Variants in SELENON observed in about 807,000 individuals in gnomAD.
SELENON encodes selenoprotein N, 1.
In SELENON, 44 loss-of-function variants were observed where a neutral mutation model predicts 59.5. The observed-to-expected ratio is 0.74, with a 90% CI of 0.58 to 0.95. SELENON has a LOEUF of 0.95. SELENON is among the 40% of genes least tolerant of loss of function. SELENON has a pLI of 0.00. For missense variants in SELENON, 674 were observed against 721.4 expected (o/e 0.93, Z 0.75); for synonymous variants, 320 against 305.6 (o/e 1.05, Z -0.49).
chr1:25,807,055 C>T lies in SELENON; in HGVS notation c.538-1525C>T, dbSNP rs999564350. 6.6e-5 allele frequency among the ~76,000 whole-genome samples: 10 copies of T among 152,000 alleles called. 1 individual carries two copies. In the East Asian group the frequency reaches 1.7e-3, roughly 27 times the overall value. ...ACCAGGATGGTTTCAATCTCCTGACCTCGTGATCCACCTGCCTCGGCCTCC... is the reference window on the plus strand; with the variant it reads ...ACCAGGATGGTTTCAATCTCCTGACTTCGTGATCCACCTGCCTCGGCCTCC... On this transcript the variant is annotated intron_variant, in intron 4 of 12. Transcript: ENST00000361547. The surrounding 1 kb of genome is among the most constrained non-coding windows in gnomAD (Gnocchi z 4.5).
At chr1:25,801,699 C>T (rs980693133) in intron 2 of SELENON, among the ~76,000 whole-genome samples, 1 of 143,676 alleles carries the variant, frequency 7.0e-6, no homozygotes, top group Non-Finnish European at 1.5e-5. Context: ...AACAAAAAAA[C>T]CATTCCTTGG....
Position 25,814,154 on chromosome 1 carries a change from G to A in SELENON, c.1578G>A (p.Met526Ile). ...AGTACAGCTTCCCCGTGGAGATGATGATCTGCCTGCCCAATGGCACCGTGG... is the reference window on the plus strand; with the variant it reads ...AGTACAGCTTCCCCGTGGAGATGATAATCTGCCTGCCCAATGGCACCGTGG... Residue 526 changes from methionine (M) to isoleucine (I), a missense_variant, in exon 12 of 13, where the codon ATG becomes ATA. Coordinates refer to ENST00000361547, the MANE Select transcript of SELENON (RefSeq NM_020451.3). 1 of 1,614,124 alleles carries A rather than the reference G, an allele frequency of 6.2e-7. No homozygotes were observed. Among genetic ancestry groups the A allele is most frequent in the Non-Finnish European group, 8.5e-7 (1 of 1,179,984 alleles).
intron 4 of SELENON, among the ~76,000 whole-genome samples, chr1:25,808,234 G>A (rs900136675): frequency 2.6e-5 from 4 of 152,188 alleles, no homozygotes; most frequent in African/African-American, 9.7e-5. Flanking sequence ...ACTATGTGAG[G>A]CACAGAGCCC....
In SELENON at chr1:25,807,574, C is replaced by T. The variant is rs1234507962; in HGVS notation, c.538-1006C>T. On this transcript the variant is annotated intron_variant, in intron 4 of 12. Coordinates refer to ENST00000361547, the MANE Select transcript of SELENON (RefSeq NM_020451.3). The surrounding 1 kb of genome is among the most constrained non-coding windows in gnomAD (Gnocchi z 4.5). ...GGCCCCCGAGCAGAGCCCCAGCAAG[C>T]CCAGCACCCATCGCTGGCAGGTCCC... Among the ~76,000 whole-genome samples the T allele has an allele frequency of 1.3e-5, 2 of 152,346 alleles. No individual in the cohort carries two copies. The highest frequency in any genetic ancestry group is 3.9e-4 in the East Asian group (2 of 5,170).
In SELENON at chr1:25,814,003, C is replaced by A; in HGVS notation, c.1500+10C>A. On this transcript the variant is annotated intron_variant, in intron 11 of 12. Transcript: ENST00000361547. ...GCTGGAGGAACTGCAGGTGAGCGGG[C>A]AGGTGGCAGGAACAGGAGCGTCCGG... The A allele has an allele frequency of 1.9e-6, 3 of 1,612,502 alleles. No individual in the cohort carries two copies. The highest frequency in any genetic ancestry group is 2.5e-6 in the Non-Finnish European group (3 of 1,178,464).
chr1:25,801,171 A>G lies in SELENON; in HGVS notation c.301+11A>G. ...CTGAGAAGCTAACAGGTACCAGGAG[A>G]GACTGGCGGCTGGGGAGGAGGGCGC... On this transcript the variant is annotated intron_variant, in intron 2 of 12. Coordinates refer to ENST00000361547, the MANE Select transcript of SELENON (RefSeq NM_020451.3). 1.2e-6 allele frequency: 2 copies of G among 1,608,566 alleles called. No homozygotes were observed. The highest frequency in any genetic ancestry group is 1.7e-6 in the Non-Finnish European group (2 of 1,175,082).
intron 10 of SELENON, among the ~76,000 whole-genome samples, chr1:25,813,337 G>A (rs1056191609): frequency 2.6e-5 from 4 of 152,178 alleles, no homozygotes; most frequent in Non-Finnish European, 4.4e-5. Flanking sequence ...CTGGGTGCTT[G>A]CGTCCCACAG....
intron 1 of SELENON, 100 bp from the exon 2 acceptor site, chr1:25,800,943 G>C (rs768489552): frequency 1.2e-5 from 11 of 948,100 alleles, no homozygotes; most frequent in Non-Finnish European, 1.9e-5. Context: ...AGCTCAGGAA[G>C]ATGGTGGGAG....
At chr1:25,813,599 C>T (rs1456830289) in intron 10 of SELENON, 2 of 516,264 alleles carry the variant, frequency 3.9e-6, no homozygotes, top group African/African-American at 3.8e-5. Flanking sequence ...TGTGTGAAGG[C>T]CCTGGGACAC....
At chr1:25,804,885 T>C (rs1170937251) in intron 3 of SELENON, among the ~76,000 whole-genome samples, 4 of 152,184 alleles carry the variant, frequency 2.6e-5, no homozygotes, top group African/African-American at 9.7e-5. Flanking sequence ...CATCTAGCTA[T>C]GTGACCTGGG....
At position 25,805,198 on chromosome 1, in the gene SELENON, G is replaced by C; in HGVS notation, c.460G>C (p.Glu154Gln). Residue 154 changes from glutamate (E) to glutamine (Q), a missense_variant, in exon 4 of 13, where the codon GAG (glutamate) becomes CAG (glutamine). By Grantham distance (29) the Glu-to-Gln change is conservative. Transcript: ENST00000361547. ...GGAGTTGCCCCCTGACCCTAGCGAG[G>C]AGACGCTCACCATAGAAGCCCGATT... The C allele has an allele frequency of 6.2e-7, 1 of 1,614,150 alleles. No homozygotes were observed. The highest frequency in any genetic ancestry group is 8.5e-7 in the Non-Finnish European group (1 of 1,180,040).
In SELENON at chr1:25,818,136, A is replaced by C. The variant is rs896813539; in HGVS notation, c.*2418A>C. ...ACCAGGCCTCGAGGCTCAGGGTGGG[A>C]GAGGGCCCCGGGCTGCCCTGTCACT... On this transcript the variant is annotated 3_prime_UTR_variant, in exon 13 of 13. Coordinates refer to ENST00000361547, the MANE Select transcript of SELENON (RefSeq NM_020451.3). 1.3e-5 allele frequency: 2 copies of C among 152,394 alleles called. No individual in the cohort carries two copies. Among genetic ancestry groups the C allele is most frequent in the Non-Finnish European group, 2.9e-5 (2 of 68,204 alleles). 9.4% of individuals were successfully genotyped at this position (152,394 alleles called of 1,614,324 possible).
chr1:25,805,345 C>CCAT (rs1438844938), intron 4 of SELENON, 70 bp downstream of exon 3: 2 of 1,604,144 alleles, frequency 1.2e-6, no homozygotes, highest in Non-Finnish European at 1.7e-6. Flanking sequence ...CTCCATTCAT[C>CCAT]CATCTTTCCT....
Position 25,809,805 on chromosome 1 carries a change from TCGTG to T in SELENON, c.997_1000del (p.Val333ProfsTer?), listed in dbSNP as rs886041686. On this transcript the variant is annotated frameshift_variant, in exon 7 of 13. Transcript: ENST00000361547. LOFTEE classifies it high-confidence loss of function. ...ACCCACGTCCGCGACTTCCGGCTCT[TCGTG>T]CCCAACCACAGGTGGGAGCTTGACC... The T allele has an allele frequency of 3.3e-5, 54 of 1,613,712 alleles. No individual in the cohort carries two copies. Among genetic ancestry groups the T allele is most frequent in the Non-Finnish European group, 4.5e-5 (53 of 1,180,022 alleles).
At position 25,809,148 on chromosome 1, in the gene SELENON, C is replaced by G; in HGVS notation, c.870C>G (p.Phe290Leu). Residue 290 changes from phenylalanine (F) to leucine (L), a missense_variant and splice_region_variant, in exon 6 of 13, where the codon TTC becomes TTG. By Grantham distance (22) the Phe-to-Leu change is conservative. Transcript: ENST00000361547. The stretch of plus-strand genomic sequence containing the variant: ...GCGACTTCTACTACACTGTGATGTT[C>G]CGGTGAGTGGGCCACACTGGCTGGC... 1 of 1,613,684 alleles carries G rather than the reference C, an allele frequency of 6.2e-7. No individual in the cohort carries two copies.
Position 25,809,767 on chromosome 1 carries a change from C to G in SELENON, c.957C>G (p.Leu319=), listed in dbSNP as rs377537585. 14 of 1,614,036 alleles carry G rather than the reference C, an allele frequency of 8.7e-6. No homozygotes were observed. In the African/African-American group the frequency reaches 1.7e-4, roughly 20 times the overall value. Residue 319 remains leucine (L), a synonymous_variant, in exon 7 of 13, where the codon CTC becomes CTG. Transcript: ENST00000361547. The stretch of plus-strand genomic sequence containing the variant: ...CTCAGTTCACCGGCCACATCATCCT[C>G]TCCAAAGACGCCACCCACGTCCGCG...
intron 3 of SELENON, among the ~76,000 whole-genome samples, chr1:25,804,228 C>T (rs1019921124): frequency 6.6e-6 from 1 of 152,282 alleles, no homozygotes; most frequent in Admixed American, 6.5e-5. Context: ...TCCAGACTCT[C>T]ACCCCTGCAG....
At chr1:25,815,479 A>G in intron 12 of SELENON, 69 bp from the exon 12 acceptor site, 1 of 1,335,706 alleles carries the variant, frequency 7.5e-7, no homozygotes, top group Non-Finnish European at 1.1e-6. Context: ...TTCTCCCCAT[A>G]GAAGAGAGGG....
Position 25,812,755 on chromosome 1 carries a change from C to G in SELENON, c.1350C>G (p.Ile450Met), listed in dbSNP as rs797045949. 6.2e-6 allele frequency: 10 copies of G among 1,613,540 alleles called. No individual in the cohort carries two copies. The highest frequency in any genetic ancestry group is 8.5e-6 in the Non-Finnish European group (10 of 1,179,888). The stretch of plus-strand genomic sequence containing the variant: ...CTGAGAACAAGCTGGTGCACTCAAT[C>G]CTGCTGTGGGGGGCCCTGGATGACC... Residue 450 changes from isoleucine to methionine, a missense_variant, in exon 10 of 13, where the codon ATC becomes ATG. By Grantham distance (10) the Ile-to-Met change is conservative (BLOSUM62 1). Transcript: ENST00000361547.
Sources: gnomAD v4.1 joint callset for allele counts (sites outside exome capture counted in the v4.1 genomes callset) on GRCh38, gnomAD v4.1.1 for gene constraint, Gnocchi (gnomAD v3.1) non-coding constraint, MANE v1.5 for transcripts, NCBI Gene and HGNC (gene_info 2026-07-23, HGNC 2026-07-21) for gene names.